The following CLEC3A variants were observed in gnomAD, a reference collection of about 807,000 sequenced individuals.
CLEC3A encodes C-type (calcium dependent, carbohydrate-recognition domain) lectin, superfamily member 1 (cartilage-derived).
In CLEC3A, 28 loss-of-function variants were observed where a neutral mutation model predicts 20.4. The observed-to-expected ratio is 1.37, with a 90% CI of 1.02 to 1.88. The LOEUF (loss-of-function observed/expected upper bound fraction) is 1.88. Ranked by LOEUF, CLEC3A falls within the 40% of genes most tolerant of loss-of-function variation. CLEC3A has a pLI of 0.00. For missense variants in CLEC3A, 357 were observed against 240.4 expected (o/e 1.48, Z -3.21); for synonymous variants, 110 against 88.1 (o/e 1.25, Z -1.39).
chr16:78,028,868 A>G (rs1358813511), intron 2 of CLEC3A, among the ~76,000 whole-genome samples: 1 of 152,094 alleles, frequency 6.6e-6, no homozygotes, highest in Non-Finnish European at 1.5e-5. Flanking sequence ...AGTATTTATA[A>G]CTCCCAGACC....
Position 78,022,564 on chromosome 16 carries a change from G to A in CLEC3A, c.-63G>A. On this transcript the variant is annotated 5_prime_UTR_variant, in exon 1 of 3. Transcript: ENST00000299642. ...TCCCAGAGCAAGATGTAGCTGTGTAGTCTCCTTCCATAGCTGCTCTAAGGG... is the reference window on the plus strand; with the variant it reads ...TCCCAGAGCAAGATGTAGCTGTGTAATCTCCTTCCATAGCTGCTCTAAGGG... The A allele has an allele frequency of 6.3e-7, 1 of 1,590,936 alleles. No individual in the cohort carries two copies.
In CLEC3A at chr16:78,022,599, C is replaced by G. The variant is rs757782914; in HGVS notation, c.-28C>G. The G allele has an allele frequency of 6.2e-7, 1 of 1,612,608 alleles. No homozygotes were observed. Among genetic ancestry groups the G allele is most frequent in the East Asian group, 2.2e-5 (1 of 44,832 alleles). On this transcript the variant is annotated 5_prime_UTR_variant, in exon 1 of 3. Transcript: ENST00000299642. ...ATAGCTGCTCTAAGGGGGCTGGCAA[C>G]ATGGCTCAGCAGGCTTGCCCCAGAG...
At chr16:78,028,826 T>C (rs1388145916) in intron 2 of CLEC3A, among the ~76,000 whole-genome samples, 1 of 152,196 alleles carries the variant, frequency 6.6e-6, no homozygotes, top group Non-Finnish European at 1.5e-5. Context: ...GTTACTGCCT[T>C]CAGGGAAGAC....
intron 2 of CLEC3A, among the ~76,000 whole-genome samples, chr16:78,029,835 T>C (rs1433599945): frequency 6.6e-6 from 1 of 152,092 alleles, no homozygotes; most frequent in Non-Finnish European, 1.5e-5. Flanking sequence ...AGCTGTGATC[T>C]CACATGCTGC....
chr16:78,026,764 T>C (rs1405988242), intron 1 of CLEC3A, among the ~76,000 whole-genome samples: 1 of 152,212 alleles, frequency 6.6e-6, no homozygotes, highest in Non-Finnish European at 1.5e-5. Context: ...TATCCAAGGC[T>C]TCTTGTTTTC....
At chr16:78,029,018 G>A (rs1012251153) in intron 2 of CLEC3A, 47 of 417,774 alleles carry the variant, frequency 1.1e-4, no homozygotes, top group African/African-American at 9.7e-4. Context: ...TGCAGAAGGT[G>A]AGTTTGGTTC....
At chr16:78,028,991 A>G (rs1458935414) in intron 2 of CLEC3A, 4 of 380,234 alleles carry the variant, frequency 1.1e-5, no homozygotes, top group South Asian at 4.1e-5. Flanking sequence ...GAAAGTTAAA[A>G]GACAGTCAAA....
intron 2 of CLEC3A, among the ~76,000 whole-genome samples, chr16:78,028,872 C>G (rs567442934): frequency 7.7e-4 from 118 of 152,340 alleles, no homozygotes; most frequent in African/African-American, 2.8e-3. Context: ...TTTATAACTC[C>G]CAGACCAGAT....
rs760081830 is a variant in CLEC3A, at chr16:78,031,586, G to A, written c.*745G>A. ...GGTAACCCTAAGGCATATCAAAGAA[G>A]CAGATTGCATGATAAACGGAAACAG... On this transcript the variant is annotated 3_prime_UTR_variant, in exon 3 of 3. Transcript: ENST00000299642. 17 of 152,110 alleles carry A rather than the reference G, an allele frequency of 1.1e-4. No individual in the cohort carries two copies. Among genetic ancestry groups the A allele is most frequent in the Non-Finnish European group, 2.5e-4 (17 of 68,020 alleles). The allele number at this position is 152,110 out of a possible 1,614,324, so 9.4% of individuals were successfully genotyped here. A position where few individuals can be genotyped will look rare whatever the true frequency, so the allele number is the denominator to read the frequency against.
intron 2 of CLEC3A, among the ~76,000 whole-genome samples, chr16:78,029,374 T>C (rs1055664653): frequency 2.6e-5 from 4 of 152,162 alleles, no homozygotes; most frequent in Non-Finnish European, 5.9e-5. Context: ...GATTGATTGA[T>C]TGATTGATTT....
intron 2 of CLEC3A, 51 bp from the exon 3 acceptor site, chr16:78,030,396 C>G (rs760241940): frequency 6.6e-7 from 1 of 1,507,206 alleles, no homozygotes. Flanking sequence ...CAGCCCTAGT[C>G]ATAATACACT....
chr16:78,028,842 T>A (rs1053182820), intron 2 of CLEC3A, among the ~76,000 whole-genome samples: 2 of 152,226 alleles, frequency 1.3e-5, no homozygotes, highest in Non-Finnish European at 2.9e-5. Flanking sequence ...AAGACTGAAG[T>A]TACGGCTTTC....
intron 1 of CLEC3A, among the ~76,000 whole-genome samples, chr16:78,023,653 G>C (rs2018776918): frequency 6.6e-6 from 1 of 152,006 alleles, no homozygotes; most frequent in Non-Finnish European, 1.5e-5. Context: ...TATTTCACAT[G>C]ACAGATGGCT....
intron 1 of CLEC3A, among the ~76,000 whole-genome samples, chr16:78,027,790 G>C (rs944087296): frequency 2.0e-5 from 3 of 152,032 alleles, no homozygotes. Flanking sequence ...CAAATAGCTG[G>C]AATTACAGGC....
chr16:78,030,243 T>C (rs1287866166), intron 2 of CLEC3A, among the ~76,000 whole-genome samples: 3 of 150,582 alleles, frequency 2.0e-5, no homozygotes, highest in Non-Finnish European at 4.4e-5. Context: ...GGTAATAAAA[T>C]ACAACTTCAT....
intron 1 of CLEC3A, among the ~76,000 whole-genome samples, chr16:78,025,420 T>C (rs2018799523): frequency 6.6e-6 from 1 of 152,220 alleles, no homozygotes; most frequent in South Asian, 2.1e-4. Context: ...AATTGCAGGT[T>C]AATTATACTT....
chr16:78,024,290 G>A (rs1175513544), intron 1 of CLEC3A, among the ~76,000 whole-genome samples: 2 of 152,142 alleles, frequency 1.3e-5, no homozygotes, highest in Non-Finnish European at 2.9e-5. Context: ...GTAGGAATGT[G>A]TGAAGAGGGT....
chr16:78,023,337 C>T (rs2018773610), intron 1 of CLEC3A, among the ~76,000 whole-genome samples: 1 of 151,990 alleles, frequency 6.6e-6, no homozygotes, highest in African/African-American at 2.4e-5. Flanking sequence ...TTAAAAAAGT[C>T]AATATGCAAA....
In CLEC3A at chr16:78,030,691, T is replaced by C. The variant is rs112982159; in HGVS notation, c.444T>C (p.Ala148=). 1.2e-6 allele frequency: 2 copies of C among 1,614,148 alleles called. No homozygotes were observed. The highest frequency in any genetic ancestry group is 1.7e-6 in the Non-Finnish European group (2 of 1,180,028). Residue 148 remains alanine, a synonymous_variant, in exon 3 of 3, where the codon GCT becomes GCC. Transcript: ENST00000299642. ...AGTTTGTTGACGTCAACGGAATCGCTATCTCCTTCCTCAACTGGGACCGTG... is the reference window on the plus strand; with the variant it reads ...AGTTTGTTGACGTCAACGGAATCGCCATCTCCTTCCTCAACTGGGACCGTG... ...EGKFVDVNGI[A]ISFLNWDRAQ... is the part of the protein sequence containing the mutation.
Sources: allele counts gnomAD v4.1 joint callset (sites outside exome capture counted in the v4.1 genomes callset), GRCh38; gene constraint gnomAD v4.1.1; transcripts MANE v1.5; gene names NCBI Gene and HGNC (gene_info 2026-07-23, HGNC 2026-07-21).